Variants in STX5 observed in about 807,000 individuals in gnomAD.
The protein encoded by STX5 is syntaxin 5.
Under a neutral mutation model 42.9 loss-of-function variants are expected in STX5, and 15 were observed. That is an observed-to-expected ratio of 0.35 (90% CI 0.23 to 0.54). STX5 has a LOEUF of 0.54. Among genes scored for constraint, STX5 ranks in the 20% least tolerant of loss-of-function variants. The pLI, the probability that STX5 is intolerant of heterozygous loss-of-function variation, is 0.91. For missense variants in STX5, 430 were observed against 455.0 expected, an observed-to-expected ratio of 0.95 and a Z score of 0.50; for synonymous variants, 184 against 173.2, an observed-to-expected ratio of 1.06 and a Z score of -0.49.
chr11:62,826,027 G>C (rs1271231587), intron 5 of STX5, among the ~76,000 whole-genome samples: 3 of 152,200 alleles, frequency 2.0e-5, no homozygotes, highest in African/African-American at 7.2e-5. Flanking sequence ...GGCCAAGGCA[G>C]GCAGATCATG....
At chr11:62,828,897 T>C (rs2134858106) in intron 2 of STX5, among the ~76,000 whole-genome samples, 2 of 151,950 alleles carry the variant, frequency 1.3e-5, no homozygotes, top group Admixed American at 1.3e-4. Flanking sequence ...AAACCCCGTC[T>C]CTACTAAAAA....
intron 10 of STX5, chr11:62,815,936 T>C (rs573382238): frequency 6.6e-6 from 1 of 152,240 alleles, no homozygotes; most frequent in Admixed American, 6.5e-5. Context: ...TGGGGCTTGG[T>C]ATACATATTA....
intron 10 of STX5, among the ~76,000 whole-genome samples, chr11:62,812,735 T>C (rs967430723): frequency 2.0e-5 from 3 of 151,934 alleles, no homozygotes; most frequent in Non-Finnish European, 4.4e-5. Flanking sequence ...TATTCTAATA[T>C]TCAAAATACA....
At chr11:62,817,523 A>G (rs1190399023) in intron 10 of STX5, among the ~76,000 whole-genome samples, 1 of 152,232 alleles carries the variant, frequency 6.6e-6, no homozygotes, top group Non-Finnish European at 1.5e-5. Context: ...GACTCTTCAT[A>G]TCAATAACAT....
chr11:62,807,189 C>T lies in STX5; in HGVS notation c.*280G>A, dbSNP rs1367719400. The T allele has an allele frequency of 2.1e-5, 6 of 287,078 alleles. No individual in the cohort carries two copies. Among genetic ancestry groups the T allele is most frequent in the Non-Finnish European group, 3.3e-5 (5 of 152,084 alleles). 17.8% of individuals were successfully genotyped at this position (287,078 alleles called of 1,614,324 possible). A position where few individuals can be genotyped will look rare whatever the true frequency, so the allele number is the denominator to read the frequency against. On this transcript the variant is annotated 3_prime_UTR_variant, in exon 11 of 11. Transcript: ENST00000294179. ...AAAAATCTCCTAGTGGAAACAACCTCCCCCACTGGCCCCCAGCTGGCCTCT... is the reference window on the plus strand; with the variant it reads ...AAAAATCTCCTAGTGGAAACAACCTTCCCCACTGGCCCCCAGCTGGCCTCT...
intron 10 of STX5, among the ~76,000 whole-genome samples, chr11:62,808,519 CAGG>C (rs1204325691): frequency 2.6e-5 from 4 of 151,796 alleles, no homozygotes; most frequent in African/African-American, 9.7e-5. Context: ...TAGGCCCAGG[CAGG>C]AGGATCACTT....
intron 5 of STX5, among the ~76,000 whole-genome samples, chr11:62,826,348 A>G (rs1019432858): frequency 1.3e-4 from 20 of 152,084 alleles, no homozygotes; most frequent in Non-Finnish European, 2.4e-4. Flanking sequence ...ACCTGAGGTC[A>G]GGAGTTTGAG....
intron 2 of STX5, 97 bp from the exon 3 acceptor site, chr11:62,827,728 T>G: frequency 8.0e-7 from 1 of 1,252,732 alleles, no homozygotes; most frequent in South Asian, 1.3e-5. Flanking sequence ...TCTCTAGTGC[T>G]GGTGGCATCC....
intron 10 of STX5, among the ~76,000 whole-genome samples, chr11:62,809,851 C>T (rs2084597250): frequency 6.6e-6 from 1 of 151,862 alleles, no homozygotes; most frequent in Non-Finnish European, 1.5e-5. Flanking sequence ...CGCCGATAAT[C>T]CCAGCACTCT....
Position 62,822,966 on chromosome 11 carries a change from G to A in STX5, c.908+1200C>T, listed in dbSNP as rs771151077. ...GTACACCCTGTACTTCTCTATCCCT[G>A]TTCATTACTTTCTAGCCACGCAGGC... is the stretch of plus-strand genomic sequence containing the variant. On this transcript the variant is annotated intron_variant, in intron 10 of 10. Transcript: ENST00000294179. Among the ~76,000 whole-genome samples the A allele has an allele frequency of 3.9e-5, 6 of 152,182 alleles. No individual in the cohort carries two copies. The East Asian group carries it at 9.7e-4, about 25-fold the overall frequency.
chr11:62,828,754 CAAACAAACAAAT>C (rs771544728), intron 2 of STX5, among the ~76,000 whole-genome samples: 45 of 149,734 alleles, frequency 3.0e-4, no homozygotes, highest in Non-Finnish European at 4.0e-4. Flanking sequence ...AATAAACAAA[CAAACAAACAAAT>C]AAATAAATAC....
chr11:62,814,662 G>A (rs956053546), intron 10 of STX5, among the ~76,000 whole-genome samples: 1 of 146,188 alleles, frequency 6.8e-6, no homozygotes, highest in Non-Finnish European at 1.5e-5. Flanking sequence ...AGTTTCGCTC[G>A]TTGCCCAGGC....
intron 2 of STX5, 99 bp downstream of exon 2, chr11:62,830,920 G>C (rs1030087771): frequency 1.8e-6 from 2 of 1,131,316 alleles, no homozygotes; most frequent in Non-Finnish European, 2.6e-6. Context: ...AGTTCCATCA[G>C]GTACCCCCCA....
At chr11:62,811,035 C>G (rs1339896662) in intron 10 of STX5, among the ~76,000 whole-genome samples, 1 of 152,178 alleles carries the variant, frequency 6.6e-6, no homozygotes, top group African/African-American at 2.4e-5. Flanking sequence ...TCTTCTATCC[C>G]AAGTTCTAAG....
intron 10 of STX5, among the ~76,000 whole-genome samples, chr11:62,821,005 A>G (rs1207024204): frequency 6.6e-6 from 1 of 151,884 alleles, no homozygotes; most frequent in Non-Finnish European, 1.5e-5. Context: ...TTCACAGCCT[A>G]CTTCATAAAA....
Position 62,825,048 on chromosome 11 carries a change from G to A in STX5, c.667C>T (p.Pro223Ser). Residue 223 changes from proline to serine, a missense_variant, in exon 8 of 11, where the codon CCT becomes TCT. Transcript: ENST00000294179. ...RAPVSALPLA[P>S]NHLGGGAVVL... is the part of the protein sequence containing the mutation. ...ACCTGTGACTTACCCAGGTGGTTAG[G>A]GGCAAGGGGCAGGGCTGACACAGGT... 1 of 1,613,912 alleles carries A rather than the reference G, an allele frequency of 6.2e-7. No homozygotes were observed. The highest frequency in any genetic ancestry group is 1.1e-5 in the South Asian group (1 of 91,074).
intron 10 of STX5, among the ~76,000 whole-genome samples, chr11:62,818,188 T>C (rs2134828799): frequency 7.1e-6 from 1 of 140,886 alleles, no homozygotes; most frequent in South Asian, 2.2e-4. Context: ...GAGGTTGCAG[T>C]GAGCCAAGAT....
Position 62,825,508 on chromosome 11 carries a change from T to C in STX5, c.455A>G (p.Gln152Arg), listed in dbSNP as rs1392167946. ...DINSLNKQIA[Q>R]LQDFVRAKGS... is the part of the protein sequence containing the mutation. ...CTTGGCTCTCACGAAATCCTGGAGC[T>C]GAGCAATTTGTTTGTTGAGGCTATT... The change falls in exon 6 of 11, where the codon CAG (glutamine) becomes CGG (arginine). Residue 152 changes from glutamine (Q) to arginine (R), a missense_variant. Physicochemically the swap from Gln to Arg is conservative, Grantham distance 43. Transcript: ENST00000294179. 5.0e-6 allele frequency: 8 copies of C among 1,613,896 alleles called. No homozygotes were observed. The highest frequency in any genetic ancestry group is 6.8e-6 in the Non-Finnish European group (8 of 1,180,046).
At chr11:62,821,211 G>A (rs553301871) in intron 10 of STX5, among the ~76,000 whole-genome samples, 1 of 152,152 alleles carries the variant, frequency 6.6e-6, no homozygotes, top group Non-Finnish European at 1.5e-5. Context: ...GGGAGGCTCA[G>A]GCAGGAGAAT....
Sources: gnomAD v4.1 joint callset for allele counts (sites outside exome capture counted in the v4.1 genomes callset) on GRCh38, gnomAD v4.1.1 for gene constraint, MANE v1.5 for transcripts, NCBI Gene and HGNC (gene_info 2026-07-23, HGNC 2026-07-21) for gene names.